Variants in SLC49A4 observed in about 807,000 individuals in gnomAD.
SLC49A4 encodes solute carrier family 49 member 4, also known as disrupted in renal cancer protein 2.
SLC49A4 carries 36 observed loss-of-function variants against 50.6 expected under a neutral mutation model. That is an observed-to-expected ratio of 0.71 (90% confidence interval 0.55 to 0.94). SLC49A4 has a LOEUF of 0.94. Among genes scored for constraint, SLC49A4 ranks in the 40% least tolerant of loss-of-function variants. The pLI, the probability that SLC49A4 is intolerant of heterozygous loss-of-function variation, is 0.00. For missense variants in SLC49A4, 503 were observed against 605.7 expected (o/e 0.83, Z 1.78); for synonymous variants, 248 against 241.2 (o/e 1.03, Z -0.26).
chr3:122,803,509 A>T (rs966012222), intron 1 of SLC49A4, among the ~76,000 whole-genome samples: 1 of 152,212 alleles, frequency 6.6e-6, no homozygotes, highest in African/African-American at 2.4e-5. Flanking sequence ...AACAGGCATG[A>T]TGTCATTAGT....
intron 7 of SLC49A4, 105 bp from the exon 8 acceptor site, chr3:122,872,310 A>G (rs1389262355): frequency 4.1e-6 from 4 of 973,074 alleles, no homozygotes; most frequent in Admixed American, 2.5e-5. Context: ...TTTGAAAAGA[A>G]GAAATTTTTG....
intron 2 of SLC49A4, among the ~76,000 whole-genome samples, chr3:122,811,585 A>G (rs142397500): frequency 3.9e-5 from 6 of 152,336 alleles, no homozygotes; most frequent in Non-Finnish European, 8.8e-5. Context: ...ATTAGCCCAC[A>G]TATAAAGCTC....
chr3:122,797,674 T>C (rs1225545616), intron 1 of SLC49A4, among the ~76,000 whole-genome samples: 1 of 152,220 alleles, frequency 6.6e-6, no homozygotes, highest in Admixed American at 6.5e-5. Context: ...GCTTTTAAAC[T>C]AAATATTGAT....
chr3:122,859,206 G>A (rs769347001), intron 6 of SLC49A4, among the ~76,000 whole-genome samples: 8 of 152,168 alleles, frequency 5.3e-5, no homozygotes, highest in Admixed American at 1.3e-4. Context: ...GGAGTAAGAC[G>A]TGAAGATCCG....
intron 1 of SLC49A4, among the ~76,000 whole-genome samples, chr3:122,803,976 A>G (rs1405065562): frequency 6.6e-6 from 1 of 152,228 alleles, no homozygotes; most frequent in Non-Finnish European, 1.5e-5. Context: ...TTTATATAAC[A>G]GTCCTATATG....
chr3:122,868,139 A>G (rs1453167299), intron 7 of SLC49A4, among the ~76,000 whole-genome samples: 1 of 152,056 alleles, frequency 6.6e-6, no homozygotes, highest in Non-Finnish European at 1.5e-5. Flanking sequence ...AAGTATTCAC[A>G]CATAGTTTTG....
At chr3:122,849,901 A>G (rs1936902362) in intron 5 of SLC49A4, among the ~76,000 whole-genome samples, 1 of 152,160 alleles carries the variant, frequency 6.6e-6, no homozygotes, top group Non-Finnish European at 1.5e-5. Flanking sequence ...ATCTGTGTCC[A>G]GACCAGTGTC....
At chr3:122,821,977 A>G (rs1390837320) in intron 2 of SLC49A4, among the ~76,000 whole-genome samples, 1 of 152,194 alleles carries the variant, frequency 6.6e-6, no homozygotes, top group Admixed American at 6.5e-5. Context: ...GTTTAGTTGC[A>G]TATTTCAGTG....
At chr3:122,802,494 A>G (rs562532848) in intron 1 of SLC49A4, among the ~76,000 whole-genome samples, 19 of 152,316 alleles carry the variant, frequency 1.2e-4, no homozygotes, top group African/African-American at 4.6e-4. Flanking sequence ...ACATGTGAGG[A>G]AATTAGCCAA....
At chr3:122,801,279 A>G (rs1394218301) in intron 1 of SLC49A4, among the ~76,000 whole-genome samples, 1 of 152,212 alleles carries the variant, frequency 6.6e-6, no homozygotes, top group Non-Finnish European at 1.5e-5. Context: ...ATGAAAGGGA[A>G]AGAGAGGAGG....
chr3:122,808,923 C>A (rs563150358), intron 2 of SLC49A4, among the ~76,000 whole-genome samples: 62 of 152,056 alleles, frequency 4.1e-4, no homozygotes, highest in Non-Finnish European at 7.5e-4. Context: ...AGAAAGGAGT[C>A]CAGAATGATT....
At chr3:122,826,658 AC>A (rs2107565312) in intron 2 of SLC49A4, 141 bp from the exon 3 acceptor site, 1 of 785,754 alleles carries the variant, frequency 1.3e-6, no homozygotes, top group Non-Finnish European at 2.0e-6. Context: ...AGGTAAATCA[AC>A]ATGTCTTTTA....
chr3:122,838,915 G>A (rs1232268495), intron 4 of SLC49A4, among the ~76,000 whole-genome samples: 1 of 151,904 alleles, frequency 6.6e-6, no homozygotes, highest in Non-Finnish European at 1.5e-5. Flanking sequence ...AACCAAAAAA[G>A]AGTCCAAATA....
In SLC49A4 at chr3:122,880,084, A is replaced by C. The variant is rs915510217; in HGVS notation, c.*706A>C. The C allele has an allele frequency of 2.0e-5, 3 of 152,328 alleles. No individual in the cohort carries two copies. Among genetic ancestry groups the C allele is most frequent in the Admixed American group, 6.5e-5 (1 of 15,274 alleles). 9.4% of individuals were successfully genotyped at this position (152,328 alleles called of 1,614,324 possible). On this transcript the variant is annotated 3_prime_UTR_variant, in exon 9 of 9. Transcript: ENST00000261038. The stretch of plus-strand genomic sequence containing the variant: ...CTTAAATAATTATGTGAGGGTGTCT[A>C]AATGTTTAATATGATTACATTAAAT...
intron 2 of SLC49A4, among the ~76,000 whole-genome samples, chr3:122,824,730 C>T (rs866376423): frequency 3.2e-3 from 262 of 82,454 alleles, no homozygotes; most frequent in Admixed American, 4.1e-3. Flanking sequence ...TTTTTTCCTT[C>T]TTTTTTTTTT....
At chr3:122,829,689 A>G (rs567742332) in intron 3 of SLC49A4, among the ~76,000 whole-genome samples, 1 of 152,332 alleles carries the variant, frequency 6.6e-6, no homozygotes, top group South Asian at 2.1e-4. Context: ...GGCAGAGGTT[A>G]TAATGTGAGC....
chr3:122,855,548 A>G (rs964299187), intron 5 of SLC49A4, among the ~76,000 whole-genome samples: 3 of 152,224 alleles, frequency 2.0e-5, no homozygotes, highest in Non-Finnish European at 4.4e-5. Context: ...AAGTCATAAT[A>G]AGAGTTAAAG....
Position 122,872,606 on chromosome 3 carries a change from T to C in SLC49A4, c.1321+9T>C. On this transcript the variant is annotated intron_variant, in intron 8 of 8. Coordinates refer to ENST00000261038, the MANE Select transcript of SLC49A4 (RefSeq NM_032839.3). ...CACATTTTATCATACAGGTAAGAAATTTGATTTTTTATTTACTATCTAAAT... is the reference window on the plus strand; with the variant it reads ...CACATTTTATCATACAGGTAAGAAACTTGATTTTTTATTTACTATCTAAAT... 1 of 1,559,386 alleles carries C rather than the reference T, an allele frequency of 6.4e-7. No homozygotes were observed. The highest frequency in any genetic ancestry group is 8.7e-7 in the Non-Finnish European group (1 of 1,147,038).
chr3:122,817,718 C>A (rs924707607), intron 2 of SLC49A4, among the ~76,000 whole-genome samples: 3 of 147,510 alleles, frequency 2.0e-5, no homozygotes, highest in African/African-American at 7.5e-5. Context: ...GTACCTGGAA[C>A]TACAGGCATG....
Sources: allele counts gnomAD v4.1 joint callset (sites outside exome capture counted in the v4.1 genomes callset), GRCh38; gene constraint gnomAD v4.1.1; transcripts MANE v1.5; gene names NCBI Gene and HGNC (gene_info 2026-07-23, HGNC 2026-07-21).